Variants in SRP54 observed in about 807,000 individuals in gnomAD.
The protein encoded by SRP54 is signal recognition particle subunit SRP54.
A neutral mutation model predicts 64.8 loss-of-function variants in SRP54; 10 were observed. The ratio of observed to expected loss-of-function variants is 0.15; its 90% CI spans 0.10 to 0.26. The LOEUF is 0.26. Ranked by LOEUF, SRP54 falls within the 10% of genes least tolerant of loss-of-function variation. The pLI is 1.00. For synonymous variants in SRP54, 193 were observed against 185.6 expected (o/e 1.04, Z -0.32); for missense variants, 325 against 613.7 (o/e 0.53, Z 4.97).
chr14:35,013,340 T>G lies in SRP54; in HGVS notation c.637-6T>G. On this transcript the variant is annotated splice_polypyrimidine_tract_variant and splice_region_variant and intron_variant, in intron 8 of 15. Transcript: ENST00000216774. ...CTAAAGTATCTTTTCTATTTAAACTTTCTAGCAACCTGATAACATTGTTTA... is the reference window on the plus strand; with the variant it reads ...CTAAAGTATCTTTTCTATTTAAACTGTCTAGCAACCTGATAACATTGTTTA... 1 of 1,611,384 alleles carries G rather than the reference T, an allele frequency of 6.2e-7. No individual in the cohort carries two copies.
rs981533485 is a variant in SRP54, at chr14:34,999,787, A to G, written c.170+138A>G. 6 of 587,660 alleles carry G rather than the reference A, an allele frequency of 1.0e-5. No homozygotes were observed. The Admixed American group carries it at 1.8e-4, about 17-fold the overall frequency. The allele number at this position is 587,660 out of a possible 1,614,324, so 36.4% of individuals were successfully genotyped here. A position where few individuals can be genotyped will look rare whatever the true frequency, so the allele number is the denominator to read the frequency against. ...GGAAAAGTGCTGTGTTGGAGCTCAT[A>G]TGTTGGGCGAGAGCATGTGTAGTAC... On this transcript the variant is annotated intron_variant, in intron 3 of 15. Coordinates refer to ENST00000216774, the MANE Select transcript of SRP54 (RefSeq NM_003136.4).
intron 3 of SRP54, 112 bp downstream of exon 3, chr14:34,999,761 T>C: frequency 1.4e-6 from 1 of 724,102 alleles, no homozygotes; most frequent in Non-Finnish European, 2.4e-6. Flanking sequence ...TCTGCACCAC[T>C]GGAAAAGTGC....
rs1009941012 is a variant in SRP54 at position 35,019,150 on chromosome 14, T to G, written c.1156+76T>G. 20 of 988,746 alleles carry G rather than the reference T, an allele frequency of 2.0e-5. No individual in the cohort carries two copies. In the East Asian group the frequency reaches 4.9e-4, roughly 24 times the overall value. 61.2% of individuals were successfully genotyped at this position (988,746 alleles called of 1,614,324 possible). ...AGATGAGAGTTTCACTGTATTCTTG[T>G]GGACAAGATGGGGAGAAATTTAGCC... On this transcript the variant is annotated intron_variant, in intron 13 of 15. Coordinates refer to ENST00000216774, the MANE Select transcript of SRP54 (RefSeq NM_003136.4).
At chr14:35,006,147 C>T (rs2044254043) in intron 4 of SRP54, among the ~76,000 whole-genome samples, 1 of 152,118 alleles carries the variant, frequency 6.6e-6, no homozygotes, top group Non-Finnish European at 1.5e-5. Context: ...CCCTAAATGT[C>T]CCATGCTTTT....
chr14:34,991,474 A>G (rs1267480352), intron 1 of SRP54, among the ~76,000 whole-genome samples: 1 of 150,690 alleles, frequency 6.6e-6, no homozygotes, highest in East Asian at 1.9e-4. Flanking sequence ...CAAATAATAT[A>G]AATAAGCCAT....
At chr14:34,992,134 T>C (rs1365652873) in intron 1 of SRP54, among the ~76,000 whole-genome samples, 2 of 152,210 alleles carry the variant, frequency 1.3e-5, no homozygotes, top group African/African-American at 4.8e-5. Context: ...GGTTTCGCCA[T>C]GTTGACCAGG....
At chr14:35,000,348 ACGAGGTCAGGAGAT>A (rs1268837053) in intron 3 of SRP54, among the ~76,000 whole-genome samples, 1 of 152,060 alleles carries the variant, frequency 6.6e-6, no homozygotes, top group Admixed American at 6.6e-5. Context: ...TGGGTGGATC[ACGAGGTCAGGAGAT>A]CGAGACCAGC....
chr14:35,026,174 GTTTTTTTATTTATTGTTGT>G (rs879564916), intron 14 of SRP54, among the ~76,000 whole-genome samples: 52,419 of 151,328 alleles, frequency 0.35, 9,667 homozygotes, highest in East Asian at 0.69. Flanking sequence ...TTCTGTTGTT[GTTTTTTTATTTATTGTTGT>G]TGTTTATTTT....
chr14:35,001,271 C>T (rs1000021295), intron 4 of SRP54, among the ~76,000 whole-genome samples: 1 of 150,936 alleles, frequency 6.6e-6, no homozygotes, highest in Non-Finnish European at 1.5e-5. Context: ...CCTGCCTCAG[C>T]CTCCCGAGTA....
chr14:34,994,521 C>T (rs1594981823), intron 1 of SRP54, among the ~76,000 whole-genome samples: 2 of 152,084 alleles, frequency 1.3e-5, no homozygotes, highest in African/African-American at 4.8e-5. Flanking sequence ...ACTGTATACA[C>T]CTCTGTCCTA....
chr14:35,017,154 C>T (rs1017680252), intron 11 of SRP54, among the ~76,000 whole-genome samples: 4 of 152,126 alleles, frequency 2.6e-5, no homozygotes, highest in African/African-American at 4.8e-5. Context: ...CTTGCCTGGC[C>T]GCTCCTTCCT....
chr14:35,003,882 C>T (rs552214130), intron 4 of SRP54, among the ~76,000 whole-genome samples: 8 of 150,560 alleles, frequency 5.3e-5, no homozygotes, highest in Middle Eastern at 3.5e-3. Context: ...TGCAGTGAGC[C>T]GAGACCACGC....
chr14:34,995,188 T>TAG (rs71121257), intron 1 of SRP54, among the ~76,000 whole-genome samples: 13 of 79,906 alleles, frequency 1.6e-4, no homozygotes, highest in African/African-American at 4.0e-4. Context: ...TGTGTGTGTG[T>TAG]AGAGAGAGAG....
intron 1 of SRP54, chr14:34,993,477 G>T (rs1278950993): frequency 1.3e-5 from 2 of 151,688 alleles, no homozygotes; most frequent in Admixed American, 1.3e-4. Flanking sequence ...ATCAAGTATT[G>T]GTAGTAAGTT....
At chr14:35,026,493 T>C (rs1955438) in intron 14 of SRP54, among the ~76,000 whole-genome samples, 151,731 of 152,204 alleles carry the variant, frequency 1, 75,629 homozygotes, top group Middle Eastern at 1. Flanking sequence ...CTTCGCCACC[T>C]GAAGTGCTGG....
rs565130394 is a variant in SRP54, at chr14:34,999,526, G to C, written c.79-32G>C. ...ATGGAACTGAAATGAAACATTGGGT[G>C]CTTTAAATTTCATTTATTTCTTTAT... On this transcript the variant is annotated intron_variant, in intron 2 of 15. Transcript: ENST00000216774. 6.0e-6 allele frequency: 9 copies of C among 1,501,684 alleles called. No homozygotes were observed. The South Asian group carries it at 1.0e-4, about 17-fold the overall frequency. The allele number at this position is 1,501,684 out of a possible 1,614,324, so 93.0% of individuals were successfully genotyped here. A position where few individuals can be genotyped will look rare whatever the true frequency, so the allele number is the denominator to read the frequency against.
chr14:34,998,685 C>T (rs1305087904), intron 2 of SRP54, among the ~76,000 whole-genome samples: 6 of 151,648 alleles, frequency 4.0e-5, no homozygotes, highest in Admixed American at 1.3e-4. Flanking sequence ...TGGTGGCAGG[C>T]GCCTGTAATC....
chr14:34,985,910 T>A (rs1052324190), intron 1 of SRP54, among the ~76,000 whole-genome samples: 77 of 152,228 alleles, frequency 5.1e-4, no homozygotes, highest in African/African-American at 1.8e-3. Flanking sequence ...CTTGAGCATA[T>A]GCCTCTTATC....
At chr14:35,016,043 T>TCC (rs2044433291) in intron 11 of SRP54, among the ~76,000 whole-genome samples, 1 of 152,226 alleles carries the variant, frequency 6.6e-6, no homozygotes, top group Non-Finnish European at 1.5e-5. Flanking sequence ...TTCCTCACTC[T>TCC]GCCCACTCCT....
Sources: allele counts gnomAD v4.1 joint callset (sites outside exome capture counted in the v4.1 genomes callset), GRCh38; gene constraint gnomAD v4.1.1; transcripts MANE v1.5; gene names NCBI Gene and HGNC (gene_info 2026-07-23, HGNC 2026-07-21).